ADD2: variants seen among roughly 807,000 people sequenced by gnomAD.
The protein encoded by ADD2 is beta-adducin.
A neutral mutation model predicts 83.0 loss-of-function variants in ADD2; 23 were observed. The ratio of observed to expected loss-of-function variants is 0.28; its 90% CI spans 0.20 to 0.39. ADD2 has a LOEUF of 0.39. Ranked by LOEUF, ADD2 falls within the 10% of genes least tolerant of loss-of-function variation. ADD2 has a pLI of 1.00. For synonymous variants in ADD2, 375 were observed against 375.4 expected (o/e 1.00, Z 0.01); for missense variants, 758 against 944.9 (o/e 0.80, Z 2.59).
At chr2:70,695,154 C>T (rs1671245380) in intron 6 of ADD2, among the ~76,000 whole-genome samples, 3 of 152,156 alleles carry the variant, frequency 2.0e-5, no homozygotes, top group African/African-American at 7.2e-5. Flanking sequence ...TCCTCCTCTC[C>T]GAGGTACATG....
chr2:70,739,071 A>G (rs1553380654), intron 1 of ADD2, among the ~76,000 whole-genome samples: 1 of 152,246 alleles, frequency 6.6e-6, no homozygotes, highest in Non-Finnish European at 1.5e-5. Flanking sequence ...GCTTCTGCAC[A>G]GCCAAAGAAA....
Position 70,663,152 on chromosome 2 carries a change from G to A in ADD2, c.*273C>T, listed in dbSNP as rs1553365342. 4 of 427,218 alleles carry A rather than the reference G, an allele frequency of 9.4e-6. No homozygotes were observed. The highest frequency in any genetic ancestry group is 2.0e-5 in the African/African-American group (1 of 50,052). 26.5% of individuals were successfully genotyped at this position (427,218 alleles called of 1,614,324 possible). A position where few individuals can be genotyped will look rare whatever the true frequency, so the allele number is the denominator to read the frequency against. ...GCAGCCCACAACTAGGCAGTGTTGT[G>A]TAGTAGAAGGAGCACTGGACTGGAA... On this transcript the variant is annotated 3_prime_UTR_variant, in exon 16 of 16. Coordinates refer to ENST00000264436, the MANE Select transcript of ADD2 (RefSeq NM_001617.4).
In ADD2 at chr2:70,683,820, C is replaced by G. The variant is rs1466857887; in HGVS notation, c.949-53G>C. ...CCCATGTGCACATGGGTACCCTGCACTTATCTATGCTCCTGTATGTGATGA... is the reference window on the plus strand; with the variant it reads ...CCCATGTGCACATGGGTACCCTGCAGTTATCTATGCTCCTGTATGTGATGA... On this transcript the variant is annotated intron_variant, in intron 9 of 15. Transcript: ENST00000264436. 8 of 1,557,316 alleles carry G rather than the reference C, an allele frequency of 5.1e-6. No homozygotes were observed. The South Asian group carries it at 6.0e-5, about 12-fold the overall frequency.
At chr2:70,745,759 A>G (rs1553381879) in intron 1 of ADD2, among the ~76,000 whole-genome samples, 1 of 152,236 alleles carries the variant, frequency 6.6e-6, no homozygotes, top group African/African-American at 2.4e-5. Flanking sequence ...CTTTATGATT[A>G]ATGAGTTTAT....
chr2:70,748,522 A>G (rs1251996395), intron 1 of ADD2, among the ~76,000 whole-genome samples: 2 of 152,144 alleles, frequency 1.3e-5, no homozygotes, highest in Non-Finnish European at 2.9e-5. Context: ...GGTCCATTTT[A>G]TCCAGATCCA....
intron 1 of ADD2, among the ~76,000 whole-genome samples, chr2:70,759,218 C>A (rs1165258515): frequency 6.6e-6 from 1 of 152,192 alleles, no homozygotes; most frequent in Admixed American, 6.5e-5. Flanking sequence ...TCCTAAGCTC[C>A]CTGGCCTCCA....
At chr2:70,762,673 A>G (rs1553385231) in intron 1 of ADD2, among the ~76,000 whole-genome samples, 1 of 150,350 alleles carries the variant, frequency 6.7e-6, no homozygotes, top group Non-Finnish European at 1.5e-5. Flanking sequence ...GCTAAAGGAC[A>G]TAGCAAAAGG....
chr2:70,738,940 G>C (rs782297192), intron 1 of ADD2, among the ~76,000 whole-genome samples: 1 of 152,032 alleles, frequency 6.6e-6, no homozygotes, highest in Non-Finnish European at 1.5e-5. Context: ...AAAAACCCTC[G>C]AAGACAACCT....
intron 14 of ADD2, among the ~76,000 whole-genome samples, chr2:70,674,339 G>A (rs546363632): frequency 3.3e-5 from 5 of 152,258 alleles, no homozygotes; most frequent in East Asian, 1.9e-4. Flanking sequence ...AGGCTAAAAG[G>A]CTTATAGTAG....
chr2:70,697,884 G>A (rs1366378230), intron 4 of ADD2, among the ~76,000 whole-genome samples: 1 of 152,218 alleles, frequency 6.6e-6, no homozygotes, highest in Non-Finnish European at 1.5e-5. Context: ...GCACACAAGG[G>A]CCTTGCCAAC....
chr2:70,664,683 A>G (rs1187609947), intron 15 of ADD2, among the ~76,000 whole-genome samples: 1 of 152,144 alleles, frequency 6.6e-6, no homozygotes, highest in Non-Finnish European at 1.5e-5. Context: ...GGGAACTGAA[A>G]GGAGTGTGTG....
chr2:70,664,907 T>C (rs1553365862), intron 15 of ADD2, among the ~76,000 whole-genome samples: 1 of 151,998 alleles, frequency 6.6e-6, no homozygotes, highest in East Asian at 1.9e-4. Flanking sequence ...TATATGAGTG[T>C]GGGAGTGAGC....
rs1312465359 is a variant in ADD2, at chr2:70,675,942, C to T, written c.1593+854G>A. Reference sequence around the variant, plus strand: ...TCTATACTTGACCCTGCGGGATATTCAGTGTTCCCCATCTTGGCTGAGTTG... The same window carrying T: ...TCTATACTTGACCCTGCGGGATATTTAGTGTTCCCCATCTTGGCTGAGTTG... On this transcript the variant is annotated intron_variant, in intron 13 of 15. Coordinates refer to ENST00000264436, the MANE Select transcript of ADD2 (RefSeq NM_001617.4). 3.0e-6 allele frequency: 3 copies of T among 985,328 alleles called. No individual in the cohort carries two copies. The African/African-American group carries it at 5.2e-5, about 17-fold the overall frequency. 61.0% of individuals were successfully genotyped at this position (985,328 alleles called of 1,614,324 possible). A position where few individuals can be genotyped will look rare whatever the true frequency, so the allele number is the denominator to read the frequency against.
chr2:70,732,632 G>A (rs537200547), intron 1 of ADD2, among the ~76,000 whole-genome samples: 1 of 152,280 alleles, frequency 6.6e-6, no homozygotes, highest in East Asian at 1.9e-4. Flanking sequence ...TGGAGAAGAG[G>A]ATCCTGTCTG....
chr2:70,716,953 G>T (rs1254130613), intron 1 of ADD2, among the ~76,000 whole-genome samples: 2 of 152,112 alleles, frequency 1.3e-5, no homozygotes, highest in Admixed American at 1.3e-4. Context: ...AGACAGAGAG[G>T]AAGGTAATAT....
At chr2:70,669,911 T>G (rs527411180) in intron 15 of ADD2, among the ~76,000 whole-genome samples, 3 of 152,080 alleles carry the variant, frequency 2.0e-5, no homozygotes, top group Non-Finnish European at 4.4e-5. Context: ...CATCTCAGTG[T>G]CCCAGCTGAG....
intron 1 of ADD2, among the ~76,000 whole-genome samples, chr2:70,744,717 C>T (rs1201349308): frequency 1.3e-5 from 2 of 151,994 alleles, no homozygotes; most frequent in Non-Finnish European, 2.9e-5. Context: ...ATAGCAAGGT[C>T]CCATTTTCAT....
chr2:70,696,029 G>A (rs1671289086), intron 5 of ADD2, among the ~76,000 whole-genome samples: 1 of 152,224 alleles, frequency 6.6e-6, no homozygotes, highest in Admixed American at 6.5e-5. Flanking sequence ...GTAGCTCTAG[G>A]ATAGGATCCA....
At position 70,683,860 on chromosome 2, in the gene ADD2, C is replaced by T. The variant is rs568986023; in HGVS notation, c.949-93G>A. 6.6e-5 allele frequency: 90 copies of T among 1,365,508 alleles called. No individual in the cohort carries two copies. In the Middle Eastern group the frequency reaches 7.5e-4, roughly 11 times the overall value. 84.6% of individuals were successfully genotyped at this position (1,365,508 alleles called of 1,614,324 possible). ...GTATGTGATGAGAGAATGGGGAGTC[C>T]AGAGGAGAACTTAGAGGCCAAACTG... On this transcript the variant is annotated intron_variant, in intron 9 of 15. Coordinates refer to ENST00000264436, the MANE Select transcript of ADD2 (RefSeq NM_001617.4).
Sources: allele counts gnomAD v4.1 joint callset (sites outside exome capture counted in the v4.1 genomes callset), GRCh38; gene constraint gnomAD v4.1.1; transcripts MANE v1.5; gene names NCBI Gene and HGNC (gene_info 2026-07-23, HGNC 2026-07-21).